The following CAMTA1 variants were observed in gnomAD, a reference collection of about 807,000 sequenced individuals.
CAMTA1 encodes calmodulin-binding transcription activator 1.
A neutral mutation model predicts 170.9 loss-of-function variants in CAMTA1; 27 were observed. That is an observed-to-expected ratio of 0.16 (90% CI 0.12 to 0.22). CAMTA1 has a LOEUF of 0.22. Ranked by LOEUF, CAMTA1 falls within the 10% of genes least tolerant of loss-of-function variation. CAMTA1 has a pLI of 1.00. For missense variants in CAMTA1, 1,619 were observed against 2,217.2 expected, an observed-to-expected ratio of 0.73 and a Z score of 5.42; for synonymous variants, 833 against 891.5, an observed-to-expected ratio of 0.93 and a Z score of 1.17.
At chr1:6,899,539 C>T (rs545469474) in intron 3 of CAMTA1, among the ~76,000 whole-genome samples, 10 of 89,208 alleles carry the variant, frequency 1.1e-4, no homozygotes, top group Admixed American at 2.4e-4. Flanking sequence ...ATGTGTATAA[C>T]GCGCACGCGC....
intron 3 of CAMTA1, among the ~76,000 whole-genome samples, chr1:7,057,687 T>C (rs1707569611): frequency 1.3e-5 from 2 of 152,216 alleles, no homozygotes; most frequent in Non-Finnish European, 2.9e-5. Context: ...AGGCCTTTCT[T>C]TGAGCCTCTT....
At chr1:7,140,252 T>A (rs1233417553) in intron 4 of CAMTA1, among the ~76,000 whole-genome samples, 2 of 152,168 alleles carry the variant, frequency 1.3e-5, no homozygotes, top group Admixed American at 1.3e-4. Flanking sequence ...AATTTTGTCT[T>A]CCTATAGAGA....
rs780499257 is a variant in CAMTA1 at position 7,482,686 on chromosome 1, G to A, written c.510+14785G>A. On this transcript the variant is annotated intron_variant, in intron 6 of 22. Transcript: ENST00000303635. This position sits in a 1 kb window ranked among gnomAD's most constrained non-coding sequence, Gnocchi z 4.2. Reference sequence around the variant, plus strand: ...TGAGAAGGAAATTCGGGGCAGAAACGTTTGTTGATCCTGAATTGCTAAAAG... The same window carrying A: ...TGAGAAGGAAATTCGGGGCAGAAACATTTGTTGATCCTGAATTGCTAAAAG... Among the ~76,000 whole-genome samples, 3 of 152,184 alleles carry A rather than the reference G, an allele frequency of 2.0e-5. No individual in the cohort carries two copies. Among genetic ancestry groups the A allele is most frequent in the Non-Finnish European group, 4.4e-5 (3 of 68,034 alleles).
At chr1:7,082,717 C>G (rs1453964840) in intron 3 of CAMTA1, among the ~76,000 whole-genome samples, 2 of 152,210 alleles carry the variant, frequency 1.3e-5, no homozygotes, top group Non-Finnish European at 2.9e-5. Context: ...TTCACTTATG[C>G]TCTTTCCCTT....
chr1:7,711,456 T>A (rs2096570113), intron 11 of CAMTA1, among the ~76,000 whole-genome samples: 7 of 152,118 alleles, frequency 4.6e-5, no homozygotes, highest in Admixed American at 4.6e-4. Flanking sequence ...ACCAATAGGT[T>A]TTGGTCTTCA....
intron 6 of CAMTA1, among the ~76,000 whole-genome samples, chr1:7,590,089 C>A (rs2095343859): frequency 6.6e-6 from 1 of 152,208 alleles, no homozygotes; most frequent in Admixed American, 6.5e-5. Flanking sequence ...CTGGAAGTCT[C>A]CGCCCTGAAC....
chr1:7,670,797 T>C (rs1308718138), intron 9 of CAMTA1, 114 bp from the exon 10 acceptor site: 2 of 1,193,138 alleles, frequency 1.7e-6, no homozygotes, highest in East Asian at 2.4e-5. Context: ...GGAATCTGCA[T>C]GGGGCGAGGG....
intron 1 of CAMTA1, among the ~76,000 whole-genome samples, chr1:6,796,164 C>T (rs1450835173): frequency 3.8e-5 from 4 of 104,782 alleles, no homozygotes; most frequent in South Asian, 3.2e-4. Flanking sequence ...TTTTTGGAGA[C>T]GGTCTCACTG....
intron 3 of CAMTA1, among the ~76,000 whole-genome samples, chr1:6,972,432 A>G (rs1692710507): frequency 6.6e-6 from 1 of 152,038 alleles, no homozygotes; most frequent in South Asian, 2.1e-4. Context: ...TTGCATCTGG[A>G]GAAAGGATCT....
chr1:7,107,961 C>T (rs1054852177), intron 4 of CAMTA1, among the ~76,000 whole-genome samples: 2 of 152,166 alleles, frequency 1.3e-5, no homozygotes, highest in African/African-American at 4.8e-5. Flanking sequence ...AGAAGGGTGC[C>T]TCTCAACCAG....
intron 3 of CAMTA1, among the ~76,000 whole-genome samples, chr1:6,833,797 G>A (rs773139071): frequency 5.9e-5 from 9 of 152,136 alleles, no homozygotes; most frequent in African/African-American, 1.4e-4. Context: ...GAACATACTC[G>A]GTTCAGGTGT....
chr1:6,830,594 CA>C (rs1203301547), intron 3 of CAMTA1, among the ~76,000 whole-genome samples: 1 of 152,136 alleles, frequency 6.6e-6, no homozygotes, highest in African/African-American at 2.4e-5. Context: ...CCGCCTGCCT[CA>C]GCCTCCCAAA....
Position 7,300,577 on chromosome 1 carries a change from T to C in CAMTA1, c.438+50951T>C, listed in dbSNP as rs1047787548. Among the ~76,000 whole-genome samples, 9 of 151,888 alleles carry C rather than the reference T, an allele frequency of 5.9e-5. No homozygotes were observed. The highest frequency in any genetic ancestry group is 2.2e-4 in the African/African-American group (9 of 41,342). ...CTGTAACCCCAGCTATTCGGGAGGC[T>C]GAGGTAGGAGAATCACTTGAACCCG... On this transcript the variant is annotated intron_variant, in intron 5 of 22. Transcript: ENST00000303635. This position sits in a 1 kb window ranked among gnomAD's most constrained non-coding sequence, Gnocchi z 4.1.
At chr1:7,256,476 C>T (rs1363253755) in intron 5 of CAMTA1, among the ~76,000 whole-genome samples, 11 of 152,208 alleles carry the variant, frequency 7.2e-5, no homozygotes, top group Admixed American at 5.9e-4. Context: ...AGGAGAATGG[C>T]GTGAACCCGG....
intron 7 of CAMTA1, among the ~76,000 whole-genome samples, chr1:7,654,588 A>G (rs1433876234): frequency 2.6e-5 from 3 of 113,752 alleles, no homozygotes; most frequent in African/African-American, 9.4e-5. Flanking sequence ...ATACATACAC[A>G]CAGCTATACA....
intron 5 of CAMTA1, among the ~76,000 whole-genome samples, chr1:7,310,413 C>T (rs1676279072): frequency 6.6e-6 from 1 of 152,160 alleles, no homozygotes; most frequent in Admixed American, 6.5e-5. Flanking sequence ...GTGCCATTGT[C>T]TCACTAACAC....
chr1:6,928,529 C>T (rs1212637544), intron 3 of CAMTA1, among the ~76,000 whole-genome samples: 1 of 152,086 alleles, frequency 6.6e-6, no homozygotes, highest in Non-Finnish European at 1.5e-5. Flanking sequence ...CCCATCTGCC[C>T]TCCCCACCCT....
intron 3 of CAMTA1, among the ~76,000 whole-genome samples, chr1:6,839,910 G>A (rs1337168236): frequency 6.6e-6 from 1 of 152,174 alleles, no homozygotes; most frequent in Non-Finnish European, 1.5e-5. Flanking sequence ...ATAAAGAGTT[G>A]AGATTTTGGG....
intron 4 of CAMTA1, among the ~76,000 whole-genome samples, chr1:7,165,579 G>A (rs1357770367): frequency 2.6e-5 from 4 of 151,916 alleles, no homozygotes; most frequent in Non-Finnish European, 4.4e-5. Context: ...CTACAGGCAC[G>A]CACCACCATG....
Sources: allele counts gnomAD v4.1 joint callset (sites outside exome capture counted in the v4.1 genomes callset), GRCh38; gene constraint gnomAD v4.1.1; non-coding constraint Gnocchi (gnomAD v3.1); transcripts MANE v1.5; gene names NCBI Gene and HGNC (gene_info 2026-07-23, HGNC 2026-07-21).